MEIS2: variants seen among roughly 807,000 people sequenced by gnomAD.
The protein encoded by MEIS2 is homeobox protein Meis2.
A neutral mutation model predicts 58.6 loss-of-function variants in MEIS2; 9 were observed. The ratio of observed to expected loss-of-function variants is 0.15; its 90% confidence interval spans 0.09 to 0.27. MEIS2 has a LOEUF of 0.27. MEIS2 is among the 10% of genes least tolerant of loss of function. The probability of loss-of-function intolerance (pLI) is 1.00; values close to 1 mark genes in which losing one functional copy is unlikely to be tolerated. For synonymous variants in MEIS2, 221 were observed against 228.4 expected, an observed-to-expected ratio of 0.97 and a Z score of 0.29; for missense variants, 427 against 635.0, an observed-to-expected ratio of 0.67 and a Z score of 3.52.
Position 36,900,741 on chromosome 15 carries a change from C to A in MEIS2, c.978-4055G>T, listed in dbSNP as rs182253235. The stretch of plus-strand genomic sequence containing the variant: ...GGTAGCTTTGCATACTTTTCTACAA[C>A]TGAACTCTGACCATCATGATTTTTC... On this transcript the variant is annotated intron_variant, in intron 9 of 11. Transcript: ENST00000561208. 2.0e-5 allele frequency among the ~76,000 whole-genome samples: 3 copies of A among 152,346 alleles called. No homozygotes were observed. The East Asian group carries it at 5.8e-4, about 29-fold the overall frequency.
chr15:37,064,024 G>T (rs556126910), intron 7 of MEIS2, among the ~76,000 whole-genome samples: 1 of 152,122 alleles, frequency 6.6e-6, no homozygotes, highest in Admixed American at 6.6e-5. Context: ...TGATCAGAAG[G>T]ATTTTATGGT....
chr15:37,047,158 T>TAG (rs2062709104), intron 7 of MEIS2, among the ~76,000 whole-genome samples: 1 of 152,218 alleles, frequency 6.6e-6, no homozygotes, highest in Non-Finnish European at 1.5e-5. Flanking sequence ...TAATGATTCA[T>TAG]TTTTAGTGAT....
chr15:37,056,021 GT>G (rs1888351546), intron 7 of MEIS2, among the ~76,000 whole-genome samples: 1 of 152,102 alleles, frequency 6.6e-6, no homozygotes, highest in Non-Finnish European at 1.5e-5. Flanking sequence ...GTTCCTCAAT[GT>G]TATTAAACAT....
intron 1 of MEIS2, chr15:37,099,202 G>A (rs947092254): frequency 1.7e-5 from 24 of 1,409,644 alleles, no homozygotes; most frequent in Non-Finnish European, 2.1e-5. Context: ...ACACGCACTC[G>A]CCGCCCGCCC....
chr15:36,908,738 C>T lies in MEIS2; in HGVS notation c.978-12052G>A, dbSNP rs987790240. 3.3e-5 allele frequency among the ~76,000 whole-genome samples: 5 copies of T among 152,194 alleles called. No homozygotes were observed. The East Asian group carries it at 9.7e-4, about 29-fold the overall frequency. On this transcript the variant is annotated intron_variant, in intron 9 of 11. Transcript: ENST00000561208. ...TGGGAGACCGAGGCGGGCGGATCAC[C>T]AGCCTGACCAACGTGGAGAAACCCC...
intron 9 of MEIS2, among the ~76,000 whole-genome samples, chr15:36,911,680 C>T (rs1199303449): frequency 6.6e-5 from 10 of 152,174 alleles, no homozygotes. Context: ...ATGAGGTCAG[C>T]CCGGCGAAGG....
At chr15:36,914,863 C>A (rs542559550) in intron 9 of MEIS2, among the ~76,000 whole-genome samples, 1 of 152,078 alleles carries the variant, frequency 6.6e-6, no homozygotes, top group Non-Finnish European at 1.5e-5. Context: ...AAATCTATAC[C>A]AATAGCTTTG....
intron 8 of MEIS2, among the ~76,000 whole-genome samples, chr15:36,959,644 C>G (rs952845741): frequency 6.6e-6 from 1 of 152,060 alleles, no homozygotes; most frequent in African/African-American, 2.4e-5. Context: ...AACTTTTTAT[C>G]CACATCAAAA....
At chr15:36,936,519 T>G (rs529638554) in intron 9 of MEIS2, among the ~76,000 whole-genome samples, 34 of 152,348 alleles carry the variant, frequency 2.2e-4, no homozygotes, top group African/African-American at 7.9e-4. Flanking sequence ...TCTCCTTTCC[T>G]GAGCACAGGC....
chr15:36,998,730 G>T (rs2060618191), intron 8 of MEIS2, among the ~76,000 whole-genome samples: 1 of 152,144 alleles, frequency 6.6e-6, no homozygotes, highest in South Asian at 2.1e-4. Context: ...AGACGCTAAG[G>T]ACTTCATAAA....
chr15:36,969,331 CAT>C (rs1398205516), intron 8 of MEIS2, among the ~76,000 whole-genome samples: 1 of 152,176 alleles, frequency 6.6e-6, no homozygotes, highest in Non-Finnish European at 1.5e-5. Context: ...CAGAAAACCA[CAT>C]GACATTTGAG....
chr15:37,056,379 C>G (rs900211449), intron 7 of MEIS2, among the ~76,000 whole-genome samples: 8 of 152,146 alleles, frequency 5.3e-5, no homozygotes, highest in Admixed American at 5.2e-4. Flanking sequence ...TCAGGCATAA[C>G]AAGCTCTTCA....
chr15:36,972,106 A>T (rs1017276236), intron 8 of MEIS2, among the ~76,000 whole-genome samples: 1 of 152,176 alleles, frequency 6.6e-6, no homozygotes, highest in East Asian at 1.9e-4. Context: ...AGAATATGGT[A>T]TTTTTCAGGT....
intron 1 of MEIS2, chr15:37,099,155 C>T (rs913116427): frequency 4.1e-6 from 5 of 1,205,914 alleles, no homozygotes; most frequent in African/African-American, 1.6e-5. Context: ...GAGGCGAAAG[C>T]GTGTAACGAT....
In MEIS2 at chr15:36,911,905, G is replaced by T. The variant is rs534798935; in HGVS notation, c.978-15219C>A. Among the ~76,000 whole-genome samples, 25 of 152,308 alleles carry T rather than the reference G, an allele frequency of 1.6e-4. No individual in the cohort carries two copies. The Middle Eastern group carries it at 0.01, about 63-fold the overall frequency. On this transcript the variant is annotated intron_variant, in intron 9 of 11. Transcript: ENST00000561208. ...CAAAGCAATTCTTAAAATGATGGGG[G>T]TGAAAGTCAGGCAAGCGCCATTATG...
chr15:36,928,244 T>C (rs1331561812), intron 9 of MEIS2, among the ~76,000 whole-genome samples: 1 of 152,218 alleles, frequency 6.6e-6, no homozygotes, highest in Non-Finnish European at 1.5e-5. Flanking sequence ...ATTAATCTCC[T>C]ACCATATGCA....
At chr15:37,017,332 G>A (rs973354026) in intron 8 of MEIS2, among the ~76,000 whole-genome samples, 1 of 152,160 alleles carries the variant, frequency 6.6e-6, no homozygotes, top group Non-Finnish European at 1.5e-5. Flanking sequence ...GGCGGGGTTG[G>A]TGGCTCATCC....
At chr15:36,950,468 T>A in intron 8 of MEIS2, 68 bp from the exon 9 acceptor site, 1 of 1,433,108 alleles carries the variant, frequency 7.0e-7, no homozygotes, top group East Asian at 2.3e-5. Flanking sequence ...CTTCTAAGAA[T>A]AAAACCACCG....
At chr15:37,058,146 C>T (rs751880107) in intron 7 of MEIS2, among the ~76,000 whole-genome samples, 9 of 152,104 alleles carry the variant, frequency 5.9e-5, no homozygotes, top group Non-Finnish European at 1.2e-4. Flanking sequence ...TTTCTCCCTA[C>T]TCCCCCCACA....
Sources: gnomAD v4.1 joint callset for allele counts (sites outside exome capture counted in the v4.1 genomes callset) on GRCh38, gnomAD v4.1.1 for gene constraint, MANE v1.5 for transcripts, NCBI Gene and HGNC (gene_info 2026-07-23, HGNC 2026-07-21) for gene names.